The following FUT8 variants were observed in gnomAD, a reference collection of about 807,000 sequenced individuals.
FUT8 encodes alpha-(1,6)-fucosyltransferase.
FUT8 carries 29 observed loss-of-function variants against 71.3 expected under a neutral mutation model. That is an observed-to-expected ratio of 0.41 (90% CI 0.30 to 0.55). The LOEUF is 0.55. Ranked by LOEUF, FUT8 falls within the 20% of genes least tolerant of loss-of-function variation. The pLI, the probability that FUT8 is intolerant of heterozygous loss-of-function variation, is 0.34. For missense variants in FUT8, 544 were observed against 702.1 expected (o/e 0.77, Z 2.55); for synonymous variants, 254 against 239.3 (o/e 1.06, Z -0.57).
intron 7 of FUT8, among the ~76,000 whole-genome samples, chr14:65,679,558 G>A (rs930062054): frequency 4.6e-5 from 7 of 152,028 alleles, no homozygotes; most frequent in African/African-American, 1.7e-4. Flanking sequence ...TGTAATTTTT[G>A]TACATCTGTA....
chr14:65,742,409 A>G lies in FUT8; in HGVS notation c.1727A>G (p.Ter576=). Residue 576 remains the stop codon, a stop_retained_variant, in exon 11 of 11, where the codon TAA becomes TGA. Coordinates refer to ENST00000673929, the MANE Select transcript of FUT8 (RefSeq NM_001371533.1). ...CCCACATATCCTGAGGCTGAGAAAT[A>G]AAGCTCAGATGGAAGAGATAAACGA... ...KYPTYPEAEK[*] is the part of the protein sequence containing the mutation. 1.2e-6 allele frequency: 2 copies of G among 1,609,558 alleles called. No homozygotes were observed. The highest frequency in any genetic ancestry group is 1.7e-6 in the Non-Finnish European group (2 of 1,177,114).
At chr14:65,533,705 C>G (rs771089902) in intron 2 of FUT8, among the ~76,000 whole-genome samples, 15 of 152,076 alleles carry the variant, frequency 9.9e-5, no homozygotes, top group Non-Finnish European at 2.2e-4. Context: ...GAGAGGGCAT[C>G]TTTGTCTTGT....
chr14:65,695,077 T>C (rs959014428), intron 7 of FUT8, among the ~76,000 whole-genome samples: 25 of 152,214 alleles, frequency 1.6e-4, no homozygotes, highest in African/African-American at 5.8e-4. Context: ...GTGTGTTTTG[T>C]AGGCCAGAAT....
At chr14:65,732,278 A>C (rs1347028602) in intron 9 of FUT8, among the ~76,000 whole-genome samples, 1 of 152,204 alleles carries the variant, frequency 6.6e-6, no homozygotes, top group Non-Finnish European at 1.5e-5. Context: ...AGAGAAACTG[A>C]AACAGCTCTT....
chr14:65,580,534 CACAT>C (rs1329890431), intron 3 of FUT8, among the ~76,000 whole-genome samples: 1 of 151,808 alleles, frequency 6.6e-6, no homozygotes, highest in Non-Finnish European at 1.5e-5. Flanking sequence ...CACAGACACG[CACAT>C]ACAAACACAC....
intron 6 of FUT8, among the ~76,000 whole-genome samples, chr14:65,650,375 G>A (rs1191905171): frequency 1.4e-5 from 2 of 146,672 alleles, no homozygotes; most frequent in Non-Finnish European, 3.0e-5. Flanking sequence ...TTGGTTCACT[G>A]TTCTATAGGC....
At chr14:65,579,054 AGT>A (rs1303552399) in intron 3 of FUT8, among the ~76,000 whole-genome samples, 1 of 151,972 alleles carries the variant, frequency 6.6e-6, no homozygotes, top group African/African-American at 2.4e-5. Flanking sequence ...GACTTTCAAA[AGT>A]GTAATTTAAT....
chr14:65,694,929 A>G lies in FUT8; in HGVS notation c.835+25449A>G, dbSNP rs536329278. On this transcript the variant is annotated intron_variant, in intron 7 of 10. Transcript: ENST00000673929. ...GAGGGGGGAGGGATAGCTTTAGGAGATATACCTAATGCTAAGTGACAAGTT... is the reference window on the plus strand; with the variant it reads ...GAGGGGGGAGGGATAGCTTTAGGAGGTATACCTAATGCTAAGTGACAAGTT... Among the ~76,000 whole-genome samples, 99 of 150,922 alleles carry G rather than the reference A, an allele frequency of 6.6e-4. 1 individual carries two copies. Among genetic ancestry groups the G allele is most frequent in the African/African-American group, 1.8e-3 (74 of 41,192 alleles).
chr14:65,705,062 G>A (rs568010530), intron 7 of FUT8, among the ~76,000 whole-genome samples: 1 of 152,304 alleles, frequency 6.6e-6, no homozygotes, highest in South Asian at 2.1e-4. Flanking sequence ...ACTGCACTAT[G>A]TTTCATATGA....
At chr14:65,407,053 C>T (rs1037052489), upstream of FUT8, among the ~76,000 whole-genome samples, 12 of 152,172 alleles carry the variant, frequency 7.9e-5, no homozygotes, top group African/African-American at 2.2e-4. Context: ...GTTGCAGACT[C>T]GGTTCATCTG....
chr14:65,558,545 T>C (rs1885725304), intron 2 of FUT8, among the ~76,000 whole-genome samples: 1 of 152,230 alleles, frequency 6.6e-6, no homozygotes, highest in African/African-American at 2.4e-5. Flanking sequence ...TATTTATTAG[T>C]GCCAACTAAG....
the FUT8 span, among the ~76,000 whole-genome samples, chr14:65,375,498 G>A: frequency 8.5e-5 from 13 of 152,140 alleles, no homozygotes; most frequent in Non-Finnish European, 1.8e-4. Context: ...GTGCGTGCCT[G>A]TGGTTCCAGC....
chr14:65,601,321 T>G (rs771240957), intron 3 of FUT8, among the ~76,000 whole-genome samples: 4 of 152,178 alleles, frequency 2.6e-5, no homozygotes, highest in Non-Finnish European at 4.4e-5. Context: ...AGCTTGACAT[T>G]TGAATAAATA....
At chr14:65,735,256 T>C (rs1896166850) in intron 10 of FUT8, among the ~76,000 whole-genome samples, 1 of 152,148 alleles carries the variant, frequency 6.6e-6, no homozygotes. Flanking sequence ...CTTTAGAATT[T>C]TGGATCCTCA....
intron 6 of FUT8, among the ~76,000 whole-genome samples, chr14:65,665,730 C>T (rs8004852): frequency 0.058 from 8,874 of 152,216 alleles, 310 homozygotes; most frequent in Admixed American, 0.11. Flanking sequence ...CATACATATA[C>T]ACCATGGAAT....
chr14:65,498,008 T>C (rs976661949), intron 2 of FUT8, among the ~76,000 whole-genome samples: 1 of 152,124 alleles, frequency 6.6e-6, no homozygotes, highest in South Asian at 2.1e-4. Context: ...CAGATAGAAA[T>C]TTTCAGGGAG....
intron 3 of FUT8, among the ~76,000 whole-genome samples, chr14:65,598,423 A>G (rs568287570): frequency 1.3e-5 from 2 of 152,218 alleles, no homozygotes; most frequent in South Asian, 2.1e-4. Flanking sequence ...GGGTTTCGCC[A>G]TATTGGCCAG....
At chr14:65,425,633 C>T (rs946475974) in intron 1 of FUT8, among the ~76,000 whole-genome samples, 1 of 152,158 alleles carries the variant, frequency 6.6e-6, no homozygotes, top group South Asian at 2.1e-4. Context: ...ATTAACACAT[C>T]CGTCACCTCA....
intron 2 of FUT8, among the ~76,000 whole-genome samples, chr14:65,473,448 T>C (rs1264939378): frequency 6.6e-6 from 1 of 152,178 alleles, no homozygotes; most frequent in Non-Finnish European, 1.5e-5. Flanking sequence ...AATTTTTTCT[T>C]ACTTATATAA....
Sources: gnomAD v4.1 joint callset for allele counts (sites outside exome capture counted in the v4.1 genomes callset) on GRCh38, gnomAD v4.1.1 for gene constraint, MANE v1.5 for transcripts, NCBI Gene and HGNC (gene_info 2026-07-23, HGNC 2026-07-21) for gene names.